Variants in ADRA1A observed in about 807,000 individuals in gnomAD.
ADRA1A encodes the protein adrenoceptor alpha 1A.
A neutral mutation model predicts 29.6 loss-of-function variants in ADRA1A; 31 were observed. That is an observed-to-expected ratio of 1.05 (90% CI 0.79 to 1.41). The LOEUF is 1.41. Ranked by LOEUF, ADRA1A falls within the 40% of genes most tolerant of loss-of-function variation. ADRA1A has a pLI of 0.00. For missense variants in ADRA1A, 619 were observed against 601.1 expected, an observed-to-expected ratio of 1.03 and a Z score of -0.31; for synonymous variants, 311 against 254.3, an observed-to-expected ratio of 1.22 and a Z score of -2.12.
intron 2 of ADRA1A, among the ~76,000 whole-genome samples, chr8:26,814,581 G>C (rs547808666): frequency 6.6e-6 from 1 of 152,260 alleles, no homozygotes; most frequent in East Asian, 1.9e-4. Context: ...CTTTCATTTA[G>C]CTTTAATTTT....
intron 2 of ADRA1A, among the ~76,000 whole-genome samples, chr8:26,786,753 G>C (rs948460948): frequency 2.0e-5 from 3 of 151,886 alleles, no homozygotes; most frequent in South Asian, 2.1e-4. Context: ...TTGGGGGGGG[G>C]GGTCTCTCAT....
chr8:26,841,267 G>A lies in ADRA1A; in HGVS notation c.883+22820C>T, dbSNP rs2130700533. ...TGGGAAGTAGCAGGCAGATCACGCT[G>A]ACAGGTTGGCTTCAAGTGACCGTTC... On this transcript the variant is annotated intron_variant, in intron 2 of 2. Transcript: ENST00000380573. This position sits in a 1 kb window ranked among gnomAD's most constrained non-coding sequence, Gnocchi z 4.4. Among the ~76,000 whole-genome samples the A allele has an allele frequency of 6.6e-6, 1 of 152,276 alleles. No homozygotes were observed. Among genetic ancestry groups the A allele is most frequent in the South Asian group, 2.1e-4 (1 of 4,816 alleles).
At chr8:26,784,761 A>G (rs1807253196) in intron 2 of ADRA1A, among the ~76,000 whole-genome samples, 2 of 152,146 alleles carry the variant, frequency 1.3e-5, no homozygotes, top group African/African-American at 4.8e-5. Flanking sequence ...GGCTTATACT[A>G]TCTAAGAATA....
downstream of ADRA1A, among the ~76,000 whole-genome samples, chr8:26,763,202 C>A (rs900727250): frequency 2.0e-5 from 3 of 152,170 alleles, no homozygotes; most frequent in Non-Finnish European, 4.4e-5. The surrounding 1 kb of genome is among the most constrained non-coding windows in gnomAD (Gnocchi z 4.5). Flanking sequence ...GGCAGGCCCT[C>A]AAATGCCCTG....
rs1217118724 is a variant in ADRA1A at position 26,831,062 on chromosome 8, A to G, written c.883+33025T>C. Among the ~76,000 whole-genome samples, 2 of 152,164 alleles carry G rather than the reference A, an allele frequency of 1.3e-5. No individual in the cohort carries two copies. Among genetic ancestry groups the G allele is most frequent in the Non-Finnish European group, 1.5e-5 (1 of 68,026 alleles). ...AGGTCTTTTATAGTTAAAGAAATAT[A>G]CTTAGGAGATTGGCCTGGTTGGGGC... On this transcript the variant is annotated intron_variant, in intron 2 of 2. Coordinates refer to ENST00000380573, the MANE Select transcript of ADRA1A (RefSeq NM_000680.4). The surrounding 1 kb of genome is among the most constrained non-coding windows in gnomAD (Gnocchi z 5.2).
At chr8:26,812,348 C>T (rs532729981) in intron 2 of ADRA1A, among the ~76,000 whole-genome samples, 13 of 152,198 alleles carry the variant, frequency 8.5e-5, no homozygotes, top group African/African-American at 2.6e-4. Context: ...AATTTAATAT[C>T]GAATAACTGA....
chr8:26,773,015 G>A (rs1228308122), intron 2 of ADRA1A, among the ~76,000 whole-genome samples: 3 of 152,216 alleles, frequency 2.0e-5, no homozygotes, highest in Non-Finnish European at 4.4e-5. Context: ...GCAAGGCACT[G>A]TGCTGAACAC....
At chr8:26,758,642 C>T (rs1402418226) in intron 2 of ADRA1A, among the ~76,000 whole-genome samples, 1 of 152,170 alleles carries the variant, frequency 6.6e-6, no homozygotes, top group Non-Finnish European at 1.5e-5. Flanking sequence ...GAAGCCCAGG[C>T]CCGTGGTTCC....
At chr8:26,804,067 G>A (rs536235208) in intron 2 of ADRA1A, among the ~76,000 whole-genome samples, 89 of 152,000 alleles carry the variant, frequency 5.9e-4, no homozygotes, top group Non-Finnish European at 9.0e-4. Context: ...GGCCGCAGGT[G>A]TGTGCCACCA....
intron 2 of ADRA1A, among the ~76,000 whole-genome samples, chr8:26,842,636 G>A (rs1008577984): frequency 2.0e-5 from 3 of 152,022 alleles, no homozygotes; most frequent in South Asian, 2.1e-4. Flanking sequence ...ACTGCAGACC[G>A]GATCTTATTC....
intron 2 of ADRA1A, among the ~76,000 whole-genome samples, chr8:26,779,732 G>A (rs999920424): frequency 7.2e-5 from 11 of 152,188 alleles, no homozygotes; most frequent in Non-Finnish European, 1.0e-4. Context: ...CATGCAGTGC[G>A]TCTGCATAGG....
chr8:26,750,369 T>C (rs1804868422), intron 2 of ADRA1A, among the ~76,000 whole-genome samples: 1 of 152,094 alleles, frequency 6.6e-6, no homozygotes, highest in Non-Finnish European at 1.5e-5. Flanking sequence ...GCCCAACTAA[T>C]TTTTGTATTT....
chr8:26,749,434 C>T (rs902818654), intron 2 of ADRA1A, among the ~76,000 whole-genome samples: 2 of 152,008 alleles, frequency 1.3e-5, no homozygotes, highest in Non-Finnish European at 2.9e-5. Flanking sequence ...ATGTTAGCTT[C>T]ATAGAGTAAG....
At chr8:26,794,106 A>T (rs939561763) in intron 2 of ADRA1A, among the ~76,000 whole-genome samples, 2 of 152,100 alleles carry the variant, frequency 1.3e-5, no homozygotes, top group African/African-American at 4.8e-5. Flanking sequence ...ACCATGATCA[A>T]GTAGGGCAGG....
At chr8:26,799,886 C>T (rs60535405) in intron 2 of ADRA1A, among the ~76,000 whole-genome samples, 4 of 152,136 alleles carry the variant, frequency 2.6e-5, no homozygotes, top group South Asian at 2.1e-4. Context: ...TGGAAATGCA[C>T]GTAATCTAGA....
intron 2 of ADRA1A, chr8:26,835,823 TTTG>T (rs1811309421): frequency 6.6e-6 from 1 of 152,272 alleles, no homozygotes; most frequent in African/African-American, 2.4e-5. Context: ...TTCATTATTT[TTTG>T]TTATTTCCAC....
At chr8:26,853,983 C>CCTCTCTCTCTCTCTGCCT (rs988703254) in intron 2 of ADRA1A, 3 of 150,642 alleles carry the variant, frequency 2.0e-5, no homozygotes, top group Non-Finnish European at 4.4e-5. Context: ...TCTTAGTAAA[C>CCTCTCTCTCTCTCTGCCT]CTCTCTCTCT....
rs144689875 is a variant in ADRA1A at position 26,777,686 on chromosome 8, G to A, written c.884-7020C>T. Among the ~76,000 whole-genome samples the A allele has an allele frequency of 2.8e-3, 426 of 152,350 alleles. 8 individuals carry two copies. Among genetic ancestry groups the A allele is most frequent in the Admixed American group, 0.023 (355 of 15,300 alleles). The stretch of plus-strand genomic sequence containing the variant: ...CTGAACTTTCTGGCAGAAAACTTGA[G>A]TGGTTGGTAAAGTGAGGAAGGTGGC... On this transcript the variant is annotated intron_variant, in intron 2 of 2. Transcript: ENST00000380573.
At chr8:26,799,610 G>T (rs140436209) in intron 2 of ADRA1A, among the ~76,000 whole-genome samples, 6 of 152,154 alleles carry the variant, frequency 3.9e-5, no homozygotes, top group Non-Finnish European at 8.8e-5. Flanking sequence ...CTAGAGCAAT[G>T]CTGATCTAAG....
Sources: allele counts gnomAD v4.1 joint callset (sites outside exome capture counted in the v4.1 genomes callset), GRCh38; gene constraint gnomAD v4.1.1; non-coding constraint Gnocchi (gnomAD v3.1); transcripts MANE v1.5; gene names NCBI Gene and HGNC (gene_info 2026-07-23, HGNC 2026-07-21).